Variants in PCDHGA6 observed in about 807,000 individuals in gnomAD.
PCDHGA6 encodes the protein protocadherin gamma subfamily A, 6, also known as protocadherin gamma-A6.
In PCDHGA6, 41 loss-of-function variants were observed where a neutral mutation model predicts 60.6. The ratio of observed to expected loss-of-function variants is 0.68; its 90% confidence interval spans 0.53 to 0.88. The LOEUF (loss-of-function observed/expected upper bound fraction) is 0.88. Among genes scored for constraint, PCDHGA6 ranks in the 40% least tolerant of loss-of-function variants. The pLI is 0.00. For synonymous variants in PCDHGA6, 594 were observed against 524.4 expected, an observed-to-expected ratio of 1.13 and a Z score of -1.81; for missense variants, 1,312 against 1,203.0, an observed-to-expected ratio of 1.09 and a Z score of -1.34.
Position 141,490,721 on chromosome 5 carries a change from T to C in PCDHGA6, c.2425-4086T>C, listed in dbSNP as rs779242781. On this transcript the variant is annotated intron_variant, in intron 1 of 3. Coordinates refer to ENST00000517434, the MANE Select transcript of PCDHGA6 (RefSeq NM_018919.3). This position sits in a 1 kb window ranked among gnomAD's most constrained non-coding sequence, Gnocchi z 5.4. The stretch of plus-strand genomic sequence containing the variant: ...AATGCCCGCCTCACCTACTCCATTG[T>C]AGGAAATCAGGTTCAGGGAGCCCCA... 23 of 1,614,056 alleles carry C rather than the reference T, an allele frequency of 1.4e-5. No individual in the cohort carries two copies. The highest frequency in any genetic ancestry group is 6.6e-5 in the South Asian group (6 of 91,080).
chr5:141,436,068 T>A (rs1343785335), intron 1 of PCDHGA6, among the ~76,000 whole-genome samples: 1 of 152,190 alleles, frequency 6.6e-6, no homozygotes, highest in Non-Finnish European at 1.5e-5. Flanking sequence ...ATTTAATAAG[T>A]ACAGTGTTCT....
intron 1 of PCDHGA6, chr5:141,394,509 G>A (rs367855808): frequency 6.2e-7 from 1 of 1,614,146 alleles, no homozygotes; most frequent in Non-Finnish European, 8.5e-7. Context: ...CCTGTACCCC[G>A]CCCTCCCCAC....
chr5:141,405,621 C>T lies in PCDHGA6; in HGVS notation c.2424+29114C>T, dbSNP rs2094693815. 9.2e-6 allele frequency: 5 copies of T among 543,194 alleles called. No individual in the cohort carries two copies. In the South Asian group the frequency reaches 1.0e-4, roughly 11 times the overall value. 33.6% of individuals were successfully genotyped at this position (543,194 alleles called of 1,614,324 possible). ...AGTAGAATAACTGGGACTACAGGCA[C>T]GTGCCACCACGCCCGGCTAATTTTT... On this transcript the variant is annotated intron_variant, in intron 1 of 3. Coordinates refer to ENST00000517434, the MANE Select transcript of PCDHGA6 (RefSeq NM_018919.3).
chr5:141,403,995 C>T, intron 1 of PCDHGA6: 1 of 1,613,762 alleles, frequency 6.2e-7, no homozygotes, highest in Non-Finnish European at 8.5e-7. Context: ...CCTGAAGTGA[C>T]CATTACATCT....
intron 1 of PCDHGA6, chr5:141,422,893 C>T (rs1405800318): frequency 3.1e-6 from 5 of 1,614,128 alleles, no homozygotes; most frequent in Admixed American, 3.3e-5. Flanking sequence ...CGTGCTGGAC[C>T]AGAACGACAA....
At position 141,400,246 on chromosome 5, in the gene PCDHGA6, G is replaced by A. The variant is rs373890751; in HGVS notation, c.2424+23739G>A. On this transcript the variant is annotated intron_variant, in intron 1 of 3. Transcript: ENST00000517434. Reference sequence around the variant, plus strand: ...CTTCCTCCTGGCCGTGATTCTGGCCGTTGCCTTGCGCCTGCGACGCTCCTC... The same window carrying A: ...CTTCCTCCTGGCCGTGATTCTGGCCATTGCCTTGCGCCTGCGACGCTCCTC... 5.0e-5 allele frequency: 81 copies of A among 1,613,984 alleles called. No homozygotes were observed. The African/African-American group carries it at 6.0e-4, about 12-fold the overall frequency.
chr5:141,420,933 T>C (rs1227912236), intron 1 of PCDHGA6: 1 of 375,320 alleles, frequency 2.7e-6, no homozygotes, highest in African/African-American at 2.1e-5. Context: ...GTGAGCGTAA[T>C]CATTTCTTCT....
intron 1 of PCDHGA6, chr5:141,388,479 C>T (rs1345463224): frequency 4.3e-6 from 7 of 1,613,652 alleles, no homozygotes; most frequent in Non-Finnish European, 1.7e-6. Flanking sequence ...ATTGAAGACA[C>T]CTTTGGACAG....
intron 1 of PCDHGA6, chr5:141,389,763 G>C: frequency 6.2e-7 from 1 of 1,612,978 alleles, no homozygotes; most frequent in African/African-American, 1.3e-5. Context: ...AGTGCGCACA[G>C]CGCGTGCCTT....
chr5:141,428,108 G>C (rs771684309), intron 1 of PCDHGA6: 6 of 1,608,094 alleles, frequency 3.7e-6, no homozygotes, highest in Admixed American at 1.7e-5. Context: ...ACGTGCTGCA[G>C]GCCATCGAGC....
chr5:141,427,924 G>T, intron 1 of PCDHGA6: 1 of 1,580,140 alleles, frequency 6.3e-7, no homozygotes, highest in Non-Finnish European at 8.7e-7. Flanking sequence ...ATGAGCCGGC[G>T]CATGTTGGTG....
intron 1 of PCDHGA6, among the ~76,000 whole-genome samples, chr5:141,492,164 C>G (rs1180358388): frequency 6.6e-6 from 1 of 152,230 alleles, no homozygotes; most frequent in Non-Finnish European, 1.5e-5. Context: ...CTCCCTATCC[C>G]CGCATCACCC....
rs767291767 is a variant in PCDHGA6, at chr5:141,487,668, T to C, written c.2425-7139T>C. ...CTTGAGGGTTATTCTGATCCAGGCA[T>C]ATGGCTAGGCCATGTCCTAGAGAGT... is the stretch of plus-strand genomic sequence containing the variant. On this transcript the variant is annotated intron_variant, in intron 1 of 3. Transcript: ENST00000517434. The surrounding 1 kb of genome is among the most constrained non-coding windows in gnomAD (Gnocchi z 5.0). 1.9e-6 allele frequency: 3 copies of C among 1,612,658 alleles called. No homozygotes were observed. Among genetic ancestry groups the C allele is most frequent in the South Asian group, 1.1e-5 (1 of 90,650 alleles).
chr5:141,458,514 T>G (rs1338106276), intron 1 of PCDHGA6, among the ~76,000 whole-genome samples: 1 of 129,036 alleles, frequency 7.7e-6, no homozygotes, highest in African/African-American at 3.6e-5. Context: ...TGACACTTTG[T>G]TTTTTTTTTT....
At chr5:141,383,416 A>G in intron 1 of PCDHGA6, 1 of 1,613,856 alleles carries the variant, frequency 6.2e-7, no homozygotes, top group Non-Finnish European at 8.5e-7. Flanking sequence ...TTACCAGCTC[A>G]GCCCCAATCG....
chr5:141,407,345 T>C (rs1025383467), intron 1 of PCDHGA6, among the ~76,000 whole-genome samples: 2 of 152,188 alleles, frequency 1.3e-5, no homozygotes, highest in African/African-American at 4.8e-5. Flanking sequence ...TGTATGTTAA[T>C]TTGGGGAAAA....
intron 1 of PCDHGA6, chr5:141,422,099 A>C (rs374091819): frequency 6.2e-7 from 1 of 1,609,706 alleles, no homozygotes; most frequent in Non-Finnish European, 8.5e-7. Context: ...AAGGCTTCTG[A>C]AATATTCCAA....
intron 1 of PCDHGA6, chr5:141,413,618 A>C (rs1188549125): frequency 6.2e-7 from 1 of 1,613,916 alleles, no homozygotes; most frequent in Admixed American, 1.7e-5. Context: ...AAAATTAATG[A>C]AAATGTCGCT....
rs772659046 is a variant in PCDHGA6 at position 141,426,970 on chromosome 5, A to C, written c.2424+50463A>C. On this transcript the variant is annotated intron_variant, in intron 1 of 3. Coordinates refer to ENST00000517434, the MANE Select transcript of PCDHGA6 (RefSeq NM_018919.3). Reference sequence around the variant, plus strand: ...ACTGGCACTGCTGCAATTCAAATTGAGGTCACTGATGCCAACGATAATGCC... The same window carrying C: ...ACTGGCACTGCTGCAATTCAAATTGCGGTCACTGATGCCAACGATAATGCC... 72 of 456,624 alleles carry C rather than the reference A, an allele frequency of 1.6e-4. No homozygotes were observed. In the Middle Eastern group the frequency reaches 1.6e-3, roughly 10 times the overall value. The allele number at this position is 456,624 out of a possible 1,614,324, so 28.3% of individuals were successfully genotyped here. A position where few individuals can be genotyped will look rare whatever the true frequency, so the allele number is the denominator to read the frequency against.
Sources: allele counts gnomAD v4.1 joint callset (sites outside exome capture counted in the v4.1 genomes callset), GRCh38; gene constraint gnomAD v4.1.1; non-coding constraint Gnocchi (gnomAD v3.1); transcripts MANE v1.5; gene names NCBI Gene and HGNC (gene_info 2026-07-23, HGNC 2026-07-21).